The following GPC5 variants were observed in gnomAD, a reference collection of about 807,000 sequenced individuals.
GPC5 encodes the protein glypican-5.
GPC5 carries 47 observed loss-of-function variants against 53.9 expected under a neutral mutation model. That is an observed-to-expected ratio of 0.87 (90% CI 0.69 to 1.11). GPC5 has a LOEUF of 1.11. GPC5 is among the 50% of genes most tolerant of loss of function. GPC5 has a pLI of 0.00. For synonymous variants in GPC5, 286 were observed against 263.3 expected, an observed-to-expected ratio of 1.09 and a Z score of -0.84; for missense variants, 748 against 713.1, an observed-to-expected ratio of 1.05 and a Z score of -0.56.
intron 7 of GPC5, among the ~76,000 whole-genome samples, chr13:92,671,866 G>A (rs549807150): frequency 6.6e-6 from 1 of 152,324 alleles, no homozygotes; most frequent in South Asian, 2.1e-4. Flanking sequence ...TGTTCTGTGT[G>A]CAGGGTGGAT....
intron 5 of GPC5, among the ~76,000 whole-genome samples, chr13:91,766,258 A>C (rs529402672): frequency 7.9e-5 from 12 of 152,324 alleles, no homozygotes; most frequent in African/African-American, 2.6e-4. Context: ...TCTTGAGTGA[A>C]ATGCTCTGAG....
intron 7 of GPC5, among the ~76,000 whole-genome samples, chr13:92,278,517 G>T (rs1190310858): frequency 4.6e-5 from 7 of 151,962 alleles, no homozygotes; most frequent in Non-Finnish European, 8.8e-5. Context: ...TCTATAATTT[G>T]GGATGGGCAA....
chr13:91,973,960 G>A (rs375307530), intron 6 of GPC5, among the ~76,000 whole-genome samples: 29 of 152,300 alleles, frequency 1.9e-4, no homozygotes, highest in South Asian at 4.1e-4. Context: ...CAGTATGCCC[G>A]TTCTCAGATC....
At chr13:92,298,349 C>A (rs1220959696) in intron 7 of GPC5, among the ~76,000 whole-genome samples, 1 of 152,188 alleles carries the variant, frequency 6.6e-6, no homozygotes. Flanking sequence ...GGAGGCTTCT[C>A]AATCAGTTCA....
chr13:92,326,006 G>A (rs1356828093), intron 7 of GPC5, among the ~76,000 whole-genome samples: 1 of 152,000 alleles, frequency 6.6e-6, no homozygotes, highest in African/African-American at 2.4e-5. Context: ...TATGTTAATG[G>A]TACTTTAATA....
intron 7 of GPC5, among the ~76,000 whole-genome samples, chr13:92,826,516 A>G (rs1212301153): frequency 6.6e-6 from 1 of 152,176 alleles, no homozygotes. Context: ...ACAAACTGTG[A>G]GATAATAAAC....
chr13:92,801,048 T>C (rs1305215891), intron 7 of GPC5, among the ~76,000 whole-genome samples: 1 of 151,646 alleles, frequency 6.6e-6, no homozygotes, highest in Non-Finnish European at 1.5e-5. Context: ...GAAAACTAGC[T>C]TTTTGGGGGT....
At chr13:91,978,650 G>C (rs972822563) in intron 6 of GPC5, among the ~76,000 whole-genome samples, 1 of 152,170 alleles carries the variant, frequency 6.6e-6, no homozygotes, top group African/African-American at 2.4e-5. Flanking sequence ...TTGGGAGCTA[G>C]AGACAGTTCA....
chr13:92,478,668 C>A (rs774011633), intron 7 of GPC5, among the ~76,000 whole-genome samples: 9 of 151,988 alleles, frequency 5.9e-5, no homozygotes, highest in African/African-American at 2.2e-4. Flanking sequence ...AGGTAAAAAT[C>A]AGATTGAATT....
At chr13:92,021,997 A>G (rs2040762602) in intron 6 of GPC5, among the ~76,000 whole-genome samples, 1 of 151,750 alleles carries the variant, frequency 6.6e-6, no homozygotes, top group African/African-American at 2.4e-5. Context: ...TATTTATTTT[A>G]TTGTATTTAT....
intron 7 of GPC5, among the ~76,000 whole-genome samples, chr13:92,216,139 C>T (rs1343697277): frequency 6.6e-6 from 1 of 152,160 alleles, no homozygotes; most frequent in Non-Finnish European, 1.5e-5. Flanking sequence ...TGTAATTTAG[C>T]CTAAGTCCTT....
At chr13:92,021,443 G>C (rs1229580680) in intron 6 of GPC5, among the ~76,000 whole-genome samples, 1 of 152,146 alleles carries the variant, frequency 6.6e-6, no homozygotes, top group Non-Finnish European at 1.5e-5. Flanking sequence ...TGGGGTGAAA[G>C]AGTAGAATGA....
chr13:92,856,027 G>T (rs1878986205), intron 7 of GPC5, among the ~76,000 whole-genome samples: 1 of 151,936 alleles, frequency 6.6e-6, no homozygotes, highest in African/African-American at 2.4e-5. Flanking sequence ...ATATCATTGT[G>T]ATACCAAAAC....
intron 7 of GPC5, among the ~76,000 whole-genome samples, chr13:92,834,535 T>G (rs1878159993): frequency 6.6e-6 from 1 of 152,070 alleles, no homozygotes; most frequent in Non-Finnish European, 1.5e-5. Context: ...AGTCAAAGGA[T>G]GAGAGTTCAA....
intron 2 of GPC5, among the ~76,000 whole-genome samples, chr13:91,586,823 T>C (rs113707464): frequency 0.011 from 1,665 of 151,690 alleles, 24 homozygotes; most frequent in Admixed American, 0.051. Context: ...GGAAGAGTTC[T>C]TTAACTTTTG....
intron 5 of GPC5, among the ~76,000 whole-genome samples, chr13:91,835,167 A>C (rs1334552696): frequency 9.8e-5 from 15 of 152,350 alleles, no homozygotes; most frequent in African/African-American, 3.6e-4. Flanking sequence ...AGAGAAATGC[A>C]TATCAAAACC....
chr13:91,977,978 A>G (rs2074072891), intron 6 of GPC5, among the ~76,000 whole-genome samples: 1 of 148,366 alleles, frequency 6.7e-6, no homozygotes, highest in South Asian at 2.1e-4. Context: ...AAAGAAAGAA[A>G]GAAAGAAAAG....
intron 6 of GPC5, among the ~76,000 whole-genome samples, chr13:92,010,560 C>T (rs769296362): frequency 6.6e-5 from 10 of 152,176 alleles, no homozygotes; most frequent in Non-Finnish European, 1.5e-4. Flanking sequence ...CTTGGAGACA[C>T]TATTTTTGGG....
chr13:91,733,836 T>C (rs2036755707), intron 4 of GPC5, among the ~76,000 whole-genome samples: 1 of 152,208 alleles, frequency 6.6e-6, no homozygotes, highest in South Asian at 2.1e-4. Flanking sequence ...TCTTGTCTGA[T>C]TGCCCCGGCC....
Sources: allele counts gnomAD v4.1 joint callset (sites outside exome capture counted in the v4.1 genomes callset), GRCh38; gene constraint gnomAD v4.1.1; transcripts MANE v1.5; gene names NCBI Gene and HGNC (gene_info 2026-07-23, HGNC 2026-07-21).